ONECUT3: variants seen among roughly 807,000 people sequenced by gnomAD.
ONECUT3 encodes the protein one cut homeobox 3.
ONECUT3 carries 11 observed loss-of-function variants against 16.8 expected under a neutral mutation model. The observed-to-expected ratio is 0.66, with a 90% CI of 0.41 to 1.09. The LOEUF (loss-of-function observed/expected upper bound fraction) is 1.09. ONECUT3 is among the 50% of genes least tolerant of loss of function. ONECUT3 has a pLI of 0.00. For synonymous variants in ONECUT3, 344 were observed against 310.7 expected (o/e 1.11, Z -1.13); for missense variants, 637 against 629.9 (o/e 1.01, Z -0.12).
At chr19:1,772,237 T>C (rs952472288) in intron 1 of ONECUT3, among the ~76,000 whole-genome samples, 3 of 152,028 alleles carry the variant, frequency 2.0e-5, no homozygotes, top group Admixed American at 6.5e-5. Context: ...GGTCTCGAAC[T>C]CCTGACCTCA....
chr19:1,756,886 C>T (rs1241011199), intron 1 of ONECUT3, among the ~76,000 whole-genome samples: 1 of 151,986 alleles, frequency 6.6e-6, no homozygotes, highest in Non-Finnish European at 1.5e-5. Context: ...GTTGCCATCA[C>T]ACCAGTAAGG....
chr19:1,765,136 GTCT>G (rs1042852185), intron 1 of ONECUT3, among the ~76,000 whole-genome samples: 4 of 152,224 alleles, frequency 2.6e-5, no homozygotes, highest in Non-Finnish European at 2.9e-5. Context: ...ATCCTGGGGC[GTCT>G]TCTTCTCCCT....
At chr19:1,769,954 C>T (rs1199444947) in intron 1 of ONECUT3, among the ~76,000 whole-genome samples, 2 of 152,102 alleles carry the variant, frequency 1.3e-5, no homozygotes, top group East Asian at 1.9e-4. Flanking sequence ...GGGAAAGGGA[C>T]GATATGCATC....
rs1216958900 is a variant in ONECUT3, at chr19:1,759,801, G to T, written c.1192+4947G>T. 1.3e-5 allele frequency among the ~76,000 whole-genome samples: 2 copies of T among 152,160 alleles called. No homozygotes were observed. The highest frequency in any genetic ancestry group is 2.9e-5 in the Non-Finnish European group (2 of 68,028). Reference sequence around the variant, plus strand: ...GGTATGAGGGGCTGGAGGGGCTCAGGGGTCTGAAGGGGCCACCGTAGGTTT... The same window carrying T: ...GGTATGAGGGGCTGGAGGGGCTCAGTGGTCTGAAGGGGCCACCGTAGGTTT... On this transcript the variant is annotated intron_variant, in intron 1 of 1. Coordinates refer to ENST00000382349, the MANE Select transcript of ONECUT3 (RefSeq NM_001080488.2). The surrounding 1 kb of genome is among the most constrained non-coding windows in gnomAD (Gnocchi z 4.1).
Position 1,778,275 on chromosome 19 carries a change from G to A in ONECUT3, c.*2830G>A, listed in dbSNP as rs2068128578. 6.6e-6 allele frequency: 1 copy of A among 151,938 alleles called. No individual in the cohort carries two copies. The highest frequency in any genetic ancestry group is 2.4e-5 in the African/African-American group (1 of 41,342). The allele number at this position is 151,938 out of a possible 1,614,324, so 9.4% of individuals were successfully genotyped here. On this transcript the variant is annotated 3_prime_UTR_variant, in exon 2 of 2. Coordinates refer to ENST00000382349, the MANE Select transcript of ONECUT3 (RefSeq NM_001080488.2). ...CACCATGCCCATTTAATTTTTTAAG[G>A]GATTTCTTGTAGATATGGGGTCTCA... is the stretch of plus-strand genomic sequence containing the variant.
chr19:1,756,718 T>C (rs1337259209), intron 1 of ONECUT3, among the ~76,000 whole-genome samples: 1 of 116,674 alleles, frequency 8.6e-6, no homozygotes, highest in Admixed American at 8.9e-5. Flanking sequence ...TTTTTTTTTT[T>C]TGTATTTTTA....
rs932986534 is a variant in ONECUT3 at position 1,764,324 on chromosome 19, C to T, written c.1192+9470C>T. 1.1e-4 allele frequency among the ~76,000 whole-genome samples: 17 copies of T among 152,156 alleles called. No individual in the cohort carries two copies. Among genetic ancestry groups the T allele is most frequent in the Admixed American group, 7.9e-4 (12 of 15,276 alleles). ...AGATGGAGCCACGAGGGAGGGACAGCCCGAGAGTCCAAGTGGAAATGCGTT... is the reference window on the plus strand; with the variant it reads ...AGATGGAGCCACGAGGGAGGGACAGTCCGAGAGTCCAAGTGGAAATGCGTT... On this transcript the variant is annotated intron_variant, in intron 1 of 1. Transcript: ENST00000382349. The surrounding 1 kb of genome is among the most constrained non-coding windows in gnomAD (Gnocchi z 5.0).
Position 1,759,180 on chromosome 19 carries a change from C to T in ONECUT3, c.1192+4326C>T, listed in dbSNP as rs2145958182. Among the ~76,000 whole-genome samples the T allele has an allele frequency of 2.0e-5, 3 of 152,208 alleles. No individual in the cohort carries two copies. Among genetic ancestry groups the T allele is most frequent in the Admixed American group, 2.0e-4 (3 of 15,282 alleles). ...TGTGTATGGAGTTGCATGCTGAGGG[C>T]AGCTGGTGCAGGAATTGGGCACCTC... On this transcript the variant is annotated intron_variant, in intron 1 of 1. Transcript: ENST00000382349. The surrounding 1 kb of genome is among the most constrained non-coding windows in gnomAD (Gnocchi z 4.1).
Position 1,774,799 on chromosome 19 carries a change from C to T in ONECUT3, c.1193-354C>T, listed in dbSNP as rs571249384. 4.6e-5 allele frequency among the ~76,000 whole-genome samples: 7 copies of T among 151,852 alleles called. No homozygotes were observed. The South Asian group carries it at 1.5e-3, about 32-fold the overall frequency. On this transcript the variant is annotated intron_variant, in intron 1 of 1. Transcript: ENST00000382349. ...CTCACACTGTGTCCCCTTCTTTGTC[C>T]TCCCCCCACCCCCACCGCATCTGCT... is the stretch of plus-strand genomic sequence containing the variant.
chr19:1,772,493 T>A (rs2068064324), intron 1 of ONECUT3, among the ~76,000 whole-genome samples: 2 of 152,002 alleles, frequency 1.3e-5, no homozygotes, highest in African/African-American at 4.8e-5. Context: ...CCTGACCACA[T>A]TTAAACTGGA....
intron 1 of ONECUT3, among the ~76,000 whole-genome samples, chr19:1,769,018 G>A (rs1374590414): frequency 1.3e-5 from 2 of 149,188 alleles, no homozygotes; most frequent in African/African-American, 4.9e-5. Flanking sequence ...TGGTGGAGGT[G>A]GAAGTGGAGG....
chr19:1,761,004 C>G (rs1001690591), intron 1 of ONECUT3, among the ~76,000 whole-genome samples: 1 of 151,788 alleles, frequency 6.6e-6, no homozygotes, highest in African/African-American at 2.4e-5. Flanking sequence ...TGGTGGTCTC[C>G]TCCTCCACCT....
chr19:1,771,095 C>G (rs2068050322), intron 1 of ONECUT3, among the ~76,000 whole-genome samples: 1 of 152,120 alleles, frequency 6.6e-6, no homozygotes, highest in Admixed American at 6.6e-5. Context: ...TTGATAGCTG[C>G]CAAACAAAAA....
Position 1,758,123 on chromosome 19 carries a change from G to A in ONECUT3, c.1192+3269G>A, listed in dbSNP as rs2067926557. 6.6e-6 allele frequency among the ~76,000 whole-genome samples: 1 copy of A among 152,134 alleles called. No homozygotes were observed. The highest frequency in any genetic ancestry group is 1.5e-5 in the Non-Finnish European group (1 of 68,022). On this transcript the variant is annotated intron_variant, in intron 1 of 1. Transcript: ENST00000382349. This position sits in a 1 kb window ranked among gnomAD's most constrained non-coding sequence, Gnocchi z 5.9. Reference sequence around the variant, plus strand: ...GACAGGGAGGGAGAAAGACCCGCAGGTGCAGACGGAGAGGGAGGGGGAGAC... The same window carrying A: ...GACAGGGAGGGAGAAAGACCCGCAGATGCAGACGGAGAGGGAGGGGGAGAC...
intron 1 of ONECUT3, among the ~76,000 whole-genome samples, chr19:1,767,583 G>A (rs1312153327): frequency 6.6e-6 from 1 of 152,158 alleles, no homozygotes; most frequent in Non-Finnish European, 1.5e-5. Context: ...ACAGCCTACA[G>A]CCCCCGCCCT....
In ONECUT3 at chr19:1,753,755, G is replaced by A; in HGVS notation, c.93G>A (p.Ala31=). 1 of 1,010,602 alleles carries A rather than the reference G, an allele frequency of 9.9e-7. No individual in the cohort carries two copies. Among genetic ancestry groups the A allele is most frequent in the Non-Finnish European group, 1.2e-6 (1 of 848,104 alleles). 62.6% of individuals were successfully genotyped at this position (1,010,602 alleles called of 1,614,324 possible). A position where few individuals can be genotyped will look rare whatever the true frequency, so the allele number is the denominator to read the frequency against. Residue 31 remains alanine, a synonymous_variant, in exon 1 of 2, where the codon GCG becomes GCA. Transcript: ENST00000382349. ...TGAGCCCGGGCCACGCGCGCTCGGC[G>A]GCGGCGCAGCACCGCGGCCTGGTGG... ...ELLSPGHARS[A]AAQHRGLVAP...
chr19:1,756,024 G>T (rs1039207581), intron 1 of ONECUT3, among the ~76,000 whole-genome samples: 19 of 152,190 alleles, frequency 1.2e-4, no homozygotes, highest in Non-Finnish European at 2.6e-4. Context: ...GAGCACAAGG[G>T]CGAGAAAGGC....
At chr19:1,767,655 C>T (rs935081028) in intron 1 of ONECUT3, among the ~76,000 whole-genome samples, 3 of 152,206 alleles carry the variant, frequency 2.0e-5, no homozygotes, top group Non-Finnish European at 4.4e-5. Flanking sequence ...GCAGGGATAA[C>T]TGAGCGAAGG....
chr19:1,754,393 C>A lies in ONECUT3; in HGVS notation c.731C>A (p.Ala244Asp). 9.1e-7 allele frequency: 1 copy of A among 1,094,100 alleles called. No individual in the cohort carries two copies. The highest frequency in any genetic ancestry group is 1.1e-6 in the Non-Finnish European group (1 of 892,170). 67.8% of individuals were successfully genotyped at this position (1,094,100 alleles called of 1,614,324 possible). Reference protein sequence around the residue: ...LAGDKLLPPAAFEPHAALLGR... With the variant: ...LAGDKLLPPADFEPHAALLGR... ...GGGGACAAGCTGCTGCCGCCCGCCGCCTTCGAGCCGCACGCCGCGCTGCTG... is the reference window on the plus strand; with the variant it reads ...GGGGACAAGCTGCTGCCGCCCGCCGACTTCGAGCCGCACGCCGCGCTGCTG... The change falls in exon 1 of 2, where the codon GCC (alanine) becomes GAC (aspartate). Residue 244 changes from alanine (A) to aspartate (D), a missense_variant. Transcript: ENST00000382349. This position sits in a 1 kb window ranked among gnomAD's most constrained non-coding sequence, Gnocchi z 7.4.
Sources: gnomAD v4.1 joint callset for allele counts (sites outside exome capture counted in the v4.1 genomes callset) on GRCh38, gnomAD v4.1.1 for gene constraint, Gnocchi (gnomAD v3.1) non-coding constraint, MANE v1.5 for transcripts, NCBI Gene and HGNC (gene_info 2026-07-23, HGNC 2026-07-21) for gene names.